The following G3BP2 variants were observed in gnomAD, a reference collection of about 807,000 sequenced individuals.
G3BP2 encodes G3BP stress granule assembly factor 2, also known as ras GTPase-activating protein-binding protein 2.
In G3BP2, 11 loss-of-function variants were observed where a neutral mutation model predicts 56.7. That is an observed-to-expected ratio of 0.19 (90% CI 0.12 to 0.32). The LOEUF (loss-of-function observed/expected upper bound fraction) is 0.32. G3BP2 is among the 10% of genes least tolerant of loss of function. G3BP2 has a pLI of 1.00. For missense variants in G3BP2, 340 were observed against 610.9 expected, an observed-to-expected ratio of 0.56 and a Z score of 4.67; for synonymous variants, 165 against 191.6, an observed-to-expected ratio of 0.86 and a Z score of 1.15.
chr4:75,676,601 T>C (rs1430383248), upstream of G3BP2, among the ~76,000 whole-genome samples: 1 of 152,086 alleles, frequency 6.6e-6, no homozygotes, highest in Non-Finnish European at 1.5e-5. Context: ...CTTCGCCGAA[T>C]TGTCAATACA....
rs1186301701 is a variant in G3BP2 at position 75,712,261 on chromosome 4, TC to T, written c.-25+8615del. The stretch of plus-strand genomic sequence containing the variant: ...TTACTACATTTCCTTCTAAGCTTTT[TC>T]CTGTGTAAATATTTTAAACTTAGCT... On this transcript the variant is annotated intron_variant, in intron 3 of 3. Transcript: ENST00000499709. Among the ~76,000 whole-genome samples, 8 of 152,294 alleles carry T rather than the reference TC, an allele frequency of 5.3e-5. No homozygotes were observed. The South Asian group carries it at 8.3e-4, about 16-fold the overall frequency.
chr4:75,721,591 C>G (rs6531889), intron 2 of G3BP2, among the ~76,000 whole-genome samples: 137,643 of 152,146 alleles, frequency 0.9, 62,401 homozygotes, highest in African/African-American at 0.97. Context: ...TTATAACCTA[C>G]CAAAATAATA....
intron 2 of G3BP2, among the ~76,000 whole-genome samples, chr4:75,659,465 CTTTTT>C (rs1732375312): frequency 6.6e-6 from 1 of 152,096 alleles, no homozygotes; most frequent in African/African-American, 2.4e-5. Context: ...CATCTAATTT[CTTTTT>C]AATATTTTTG....
intron 3 of G3BP2, among the ~76,000 whole-genome samples, chr4:75,691,477 G>C (rs932319738): frequency 6.6e-6 from 1 of 152,146 alleles, no homozygotes; most frequent in African/African-American, 2.4e-5. Context: ...CCAAAGTACT[G>C]GGATTACAGG....
upstream of G3BP2, chr4:75,673,884 C>G (rs1374963765): frequency 5.4e-6 from 1 of 184,138 alleles, no homozygotes; most frequent in Non-Finnish European, 1.1e-5. Flanking sequence ...ACACTAAACT[C>G]ACCTACATTG....
At chr4:75,684,012 G>A (rs1299812488) in intron 3 of G3BP2, among the ~76,000 whole-genome samples, 1 of 152,146 alleles carries the variant, frequency 6.6e-6, no homozygotes, top group Non-Finnish European at 1.5e-5. Context: ...GAGAATCCAA[G>A]AGACTTTCAA....
At chr4:75,653,922 T>A (rs1359772292) in intron 8 of G3BP2, 61 bp downstream of exon 8, 1 of 776,166 alleles carries the variant, frequency 1.3e-6, no homozygotes, top group Non-Finnish European at 2.2e-6. Flanking sequence ...AAAAGTATTT[T>A]AAAAATAAGC....
intron 3 of G3BP2, among the ~76,000 whole-genome samples, chr4:75,686,425 G>T (rs1718605909): frequency 6.6e-6 from 1 of 152,062 alleles, no homozygotes; most frequent in African/African-American, 2.4e-5. Flanking sequence ...CAAACTACAG[G>T]TTCCAAATTC....
intron 1 of G3BP2, among the ~76,000 whole-genome samples, chr4:75,667,883 C>CT (rs1733182063): frequency 6.6e-6 from 1 of 152,146 alleles, no homozygotes; most frequent in Non-Finnish European, 1.5e-5. Flanking sequence ...GAGCGAAACT[C>CT]TGTCTCAAAA....
At chr4:75,674,716 ATATTT>A (rs561212103), upstream of G3BP2, among the ~76,000 whole-genome samples, 867 of 52,836 alleles carry the variant, frequency 0.016, 4 homozygotes, top group East Asian at 0.03. Flanking sequence ...ATATATATAT[ATATTT>A]TTTTTTTTTT....
At chr4:75,690,444 AAAG>A (rs1718806188) in intron 3 of G3BP2, among the ~76,000 whole-genome samples, 1 of 152,034 alleles carries the variant, frequency 6.6e-6, no homozygotes, top group Non-Finnish European at 1.5e-5. Context: ...AAAAAAAAAA[AAAG>A]AAAAGAAAAA....
intron 10 of G3BP2, 74 bp downstream of exon 10, chr4:75,646,955 T>G: frequency 1.1e-6 from 1 of 893,764 alleles, no homozygotes; most frequent in Non-Finnish European, 1.7e-6. Context: ...AAAATAGTTA[T>G]TAAAAAAGCT....
At position 75,655,140 on chromosome 4, in the gene G3BP2, A is replaced by G. The variant is rs1381330280; in HGVS notation, c.652T>C (p.Leu218=). ...GTAGATTTCTCCTCTAGTTCTTCTA[A>G]GTTCTTCTCCTCCACTTGTGGTTTC... ...ELKPQVEEKN[L]EELEEKSTTP... Residue 218 remains leucine (L), a synonymous_variant, in exon 7 of 12, where the codon TTA becomes CTA. Coordinates refer to ENST00000359707, the MANE Select transcript of G3BP2 (RefSeq NM_203505.3). The G allele has an allele frequency of 1.2e-6, 2 of 1,613,240 alleles. No individual in the cohort carries two copies. Among genetic ancestry groups the G allele is most frequent in the African/African-American group, 1.3e-5 (1 of 74,888 alleles).
At chr4:75,713,727 C>T (rs2175639) in intron 3 of G3BP2, among the ~76,000 whole-genome samples, 85,314 of 151,824 alleles carry the variant, frequency 0.56, 25,204 homozygotes, top group African/African-American at 0.73. Flanking sequence ...AATTTGAAGT[C>T]ACAGTGAGCT....
chr4:75,712,298 A>C (rs1196287223), intron 3 of G3BP2, among the ~76,000 whole-genome samples: 1 of 152,116 alleles, frequency 6.6e-6, no homozygotes, highest in African/African-American at 2.4e-5. Flanking sequence ...GGGATCATTC[A>C]GTAATTTCAT....
At chr4:75,649,887 T>A (rs1284285249) in intron 8 of G3BP2, among the ~76,000 whole-genome samples, 1 of 152,086 alleles carries the variant, frequency 6.6e-6, no homozygotes, top group African/African-American at 2.4e-5. Flanking sequence ...GGCAGGCACC[T>A]GTAACCCCAG....
At chr4:75,652,962 G>C (rs1404359575) in intron 8 of G3BP2, among the ~76,000 whole-genome samples, 2 of 151,956 alleles carry the variant, frequency 1.3e-5, no homozygotes, top group East Asian at 3.9e-4. Context: ...CCAAAAGAAG[G>C]GCCAAAAGTT....
intron 3 of G3BP2, among the ~76,000 whole-genome samples, chr4:75,707,194 CAG>C (rs1199594682): frequency 9.0e-6 from 1 of 111,600 alleles, no homozygotes. Context: ...AAAAAAAAAA[CAG>C]AAAACACGGA....
At chr4:75,687,705 A>C (rs2149076623) in intron 3 of G3BP2, among the ~76,000 whole-genome samples, 1 of 152,324 alleles carries the variant, frequency 6.6e-6, no homozygotes, top group Middle Eastern at 3.4e-3. Flanking sequence ...ACACTCCTAA[A>C]AGCAATAACT....
Sources: allele counts gnomAD v4.1 joint callset (sites outside exome capture counted in the v4.1 genomes callset), GRCh38; gene constraint gnomAD v4.1.1; transcripts MANE v1.5; gene names NCBI Gene and HGNC (gene_info 2026-07-23, HGNC 2026-07-21).